The following TMEM260 variants were observed in gnomAD, a reference collection of about 807,000 sequenced individuals.
The protein encoded by TMEM260 is protein O-mannosyl-transferase TMEM260.
A neutral mutation model predicts 88.9 loss-of-function variants in TMEM260; 82 were observed. That is an observed-to-expected ratio of 0.92 (90% CI 0.77 to 1.11). TMEM260 has a LOEUF of 1.11. TMEM260 is among the 50% of genes least tolerant of loss of function. TMEM260 has a pLI of 0.00. For synonymous variants in TMEM260, 314 were observed against 309.3 expected (o/e 1.02, Z -0.16); for missense variants, 902 against 853.4 (o/e 1.06, Z -0.71).
rs192889182 is a variant in TMEM260, at chr14:56,608,553, A to C, written c.637-553A>C. 6.6e-5 allele frequency among the ~76,000 whole-genome samples: 10 copies of C among 152,368 alleles called. No homozygotes were observed. The East Asian group carries it at 1.9e-3, about 29-fold the overall frequency. On this transcript the variant is annotated intron_variant, in intron 5 of 15. Coordinates refer to ENST00000261556, the MANE Select transcript of TMEM260 (RefSeq NM_017799.4). ...TATCCTATATGTAAATTGAGGAGAAAAAAAGCATTTGGATGAGCTTGGAGT... is the reference window on the plus strand; with the variant it reads ...TATCCTATATGTAAATTGAGGAGAACAAAAGCATTTGGATGAGCTTGGAGT...
chr14:56,625,826 T>C (rs567760890), intron 12 of TMEM260, among the ~76,000 whole-genome samples: 1 of 152,268 alleles, frequency 6.6e-6, no homozygotes, highest in Admixed American at 6.5e-5. Flanking sequence ...TCATTGCAGG[T>C]GGATGGCAAG....
At chr14:56,610,270 T>C (rs112274525) in intron 6 of TMEM260, among the ~76,000 whole-genome samples, 222 of 152,250 alleles carry the variant, frequency 1.5e-3, no homozygotes, top group African/African-American at 5.2e-3. Context: ...AGATGGATTC[T>C]CGCTCTGTCA....
intron 15 of TMEM260, among the ~76,000 whole-genome samples, chr14:56,645,980 G>T (rs996947593): frequency 2.0e-5 from 3 of 152,166 alleles, no homozygotes; most frequent in Non-Finnish European, 4.4e-5. Flanking sequence ...TATAACTAGA[G>T]ATGGGGTCTT....
chr14:56,580,088 A>C lies in TMEM260; in HGVS notation c.160+14A>C. 1.6e-6 allele frequency: 2 copies of C among 1,250,194 alleles called. No individual in the cohort carries two copies. Among genetic ancestry groups the C allele is most frequent in the East Asian group, 6.2e-5 (2 of 32,010 alleles). The allele number at this position is 1,250,194 out of a possible 1,614,324, so 77.4% of individuals were successfully genotyped here. ...GGGGAGACTCCGGTAAAGTACTCGCAGGGTTGCCCCTTCTGTCCCTCTCCC... is the reference window on the plus strand; with the variant it reads ...GGGGAGACTCCGGTAAAGTACTCGCCGGGTTGCCCCTTCTGTCCCTCTCCC... On this transcript the variant is annotated intron_variant, in intron 1 of 15. Transcript: ENST00000261556.
At position 56,618,621 on chromosome 14, in the gene TMEM260, G is replaced by A; in HGVS notation, c.1084G>A (p.Ala362Thr). The A allele has an allele frequency of 6.2e-7, 1 of 1,614,206 alleles. No homozygotes were observed. The highest frequency in any genetic ancestry group is 1.1e-5 in the South Asian group (1 of 91,080). ...GGAACGATTCTGGATGCAGAGCAAT[G>A]CAGTAGTGGCCGTCCTCGCTGGCAT... ...VVERFWMQSN[A>T]VVAVLAGIGL... The change falls in exon 10 of 16, where the codon GCA becomes ACA. Residue 362 changes from alanine to threonine, a missense_variant. Coordinates refer to ENST00000261556, the MANE Select transcript of TMEM260 (RefSeq NM_017799.4).
intron 15 of TMEM260, among the ~76,000 whole-genome samples, chr14:56,645,018 A>C (rs1889859266): frequency 6.6e-6 from 1 of 151,544 alleles, no homozygotes. Context: ...GGATGTGGAG[A>C]AATAGGAACA....
chr14:56,584,887 G>A (rs1460345408), intron 1 of TMEM260, 114 bp from the exon 2 acceptor site: 2 of 791,578 alleles, frequency 2.5e-6, no homozygotes, highest in African/African-American at 1.7e-5. Flanking sequence ...CAGATTTACA[G>A]TTTTATCCAG....
At chr14:56,657,387 T>C in the TMEM260 span, among the ~76,000 whole-genome samples, 1 of 152,178 alleles carries the variant, frequency 6.6e-6, no homozygotes, top group African/African-American at 2.4e-5. Flanking sequence ...AGCAATCCTG[T>C]CACCTCAGCC....
the TMEM260 span, among the ~76,000 whole-genome samples, chr14:56,662,957 C>T: frequency 3.3e-5 from 5 of 152,058 alleles, no homozygotes; most frequent in African/African-American, 1.2e-4. Context: ...GAGAAACCCC[C>T]GTCTCTACTA....
At chr14:56,657,579 A>G in the TMEM260 span, among the ~76,000 whole-genome samples, 2 of 152,230 alleles carry the variant, frequency 1.3e-5, no homozygotes, top group South Asian at 4.1e-4. Flanking sequence ...AAGGGGAGAA[A>G]GCCAAAATGC....
chr14:56,585,975 C>G, intron 3 of TMEM260, 63 bp downstream of exon 3: 2 of 1,498,098 alleles, frequency 1.3e-6, no homozygotes, highest in Non-Finnish European at 9.0e-7. Flanking sequence ...TCTTATGGCT[C>G]AAGTACATAC....
chr14:56,590,206 T>G (rs1885764353), intron 3 of TMEM260, among the ~76,000 whole-genome samples: 1 of 152,238 alleles, frequency 6.6e-6, no homozygotes, highest in South Asian at 2.1e-4. Flanking sequence ...TTGCATTTTC[T>G]TATAAGTAGA....
Position 56,612,684 on chromosome 14 carries a change from C to G in TMEM260, c.857+399C>G, listed in dbSNP as rs1887355750. 6 of 153,134 alleles carry G rather than the reference C, an allele frequency of 3.9e-5. No individual in the cohort carries two copies. The Admixed American group carries it at 3.9e-4, about 10-fold the overall frequency. The allele number at this position is 153,134 out of a possible 1,614,324, so 9.5% of individuals were successfully genotyped here. A position where few individuals can be genotyped will look rare whatever the true frequency, so the allele number is the denominator to read the frequency against. ...AAACATCTGTATATGTTTGTACAGA[C>G]AGTTTTTTCCCCAACTTTTTTTTTT... On this transcript the variant is annotated intron_variant, in intron 7 of 15. Transcript: ENST00000261556.
At chr14:56,645,700 C>A (rs1314245565) in intron 15 of TMEM260, among the ~76,000 whole-genome samples, 1 of 151,946 alleles carries the variant, frequency 6.6e-6, no homozygotes, top group Non-Finnish European at 1.5e-5. Flanking sequence ...TGTAAAACAA[C>A]AACAAAAAAC....
chr14:56,624,819 C>T (rs1284858354), intron 11 of TMEM260, among the ~76,000 whole-genome samples: 1 of 151,708 alleles, frequency 6.6e-6, no homozygotes, highest in African/African-American at 2.4e-5. Context: ...GTCAGTGGTC[C>T]CCAACCTTTT....
intron 6 of TMEM260, among the ~76,000 whole-genome samples, chr14:56,610,359 G>C (rs1446959316): frequency 1.3e-5 from 2 of 152,098 alleles, no homozygotes; most frequent in Non-Finnish European, 2.9e-5. Context: ...TGCTGCCTCA[G>C]CCTCCCCAGC....
At chr14:56,615,829 A>T (rs762998986) in intron 7 of TMEM260, 115 bp from the exon 8 acceptor site, 1 of 669,214 alleles carries the variant, frequency 1.5e-6, no homozygotes, top group Non-Finnish European at 2.5e-6. Context: ...TTAAAATCTG[A>T]CCCCAGCCCT....
chr14:56,585,891 T>G lies in TMEM260; in HGVS notation c.323T>G (p.Leu108Ter). The stretch of plus-strand genomic sequence containing the variant: ...TTATTTGGAGCAGTAGCTGCATCAT[T>G]ACTTTTTTTCACCGTTTTCAGGTAA... ...CGLFGAVAAS[L>*]LFFTVFRLSG... is the part of the protein sequence containing the mutation. Residue 108 changes from leucine (L) to a stop codon, truncating the protein, a stop_gained, in exon 3 of 16, where the codon TTA becomes TGA. Coordinates refer to ENST00000261556, the MANE Select transcript of TMEM260 (RefSeq NM_017799.4). LOFTEE classifies it high-confidence loss of function. 1 of 1,612,710 alleles carries G rather than the reference T, an allele frequency of 6.2e-7. No homozygotes were observed. The highest frequency in any genetic ancestry group is 8.5e-7 in the Non-Finnish European group (1 of 1,179,468).
chr14:56,636,148 C>T (rs1889045906), intron 14 of TMEM260, among the ~76,000 whole-genome samples: 1 of 152,178 alleles, frequency 6.6e-6, no homozygotes, highest in Non-Finnish European at 1.5e-5. Context: ...GCACACATGG[C>T]ATGAGCTTCG....
Sources: gnomAD v4.1 joint callset for allele counts (sites outside exome capture counted in the v4.1 genomes callset) on GRCh38, gnomAD v4.1.1 for gene constraint, MANE v1.5 for transcripts, NCBI Gene and HGNC (gene_info 2026-07-23, HGNC 2026-07-21) for gene names.